The following CLYBL variants were observed in gnomAD, a reference collection of about 807,000 sequenced individuals.
CLYBL encodes citramalyl-CoA lyase, mitochondrial.
A neutral mutation model predicts 38.9 loss-of-function variants in CLYBL; 31 were observed. The observed-to-expected ratio is 0.80, with a 90% CI of 0.60 to 1.08. CLYBL has a LOEUF of 1.08. CLYBL is among the 50% of genes least tolerant of loss of function. The probability of loss-of-function intolerance (pLI) is 0.00; values close to 1 mark genes in which losing one functional copy is unlikely to be tolerated. For missense variants in CLYBL, 434 were observed against 411.6 expected (o/e 1.05, Z -0.47); for synonymous variants, 171 against 158.6 (o/e 1.08, Z -0.59).
At chr13:99,633,976 T>C (rs1255155763) in intron 1 of CLYBL, among the ~76,000 whole-genome samples, 1 of 152,074 alleles carries the variant, frequency 6.6e-6, no homozygotes, top group Non-Finnish European at 1.5e-5. Context: ...TTTGAGGGGA[T>C]AATGACCAGA....
chr13:99,615,416 T>C (rs945486981), intron 1 of CLYBL, among the ~76,000 whole-genome samples: 9 of 152,142 alleles, frequency 5.9e-5, no homozygotes, highest in Non-Finnish European at 1.3e-4. Context: ...TATTAGTACG[T>C]TTAATTAAAT....
chr13:99,772,645 C>T (rs1369316189), intron 1 of CLYBL, among the ~76,000 whole-genome samples, 179 bp from the exon 2 acceptor site: 3 of 151,588 alleles, frequency 2.0e-5, no homozygotes. Flanking sequence ...TGCAGTGAGC[C>T]GAGATCACAC....
intron 1 of CLYBL, among the ~76,000 whole-genome samples, chr13:99,616,379 A>T (rs1455016627): frequency 6.6e-6 from 1 of 152,080 alleles, no homozygotes; most frequent in Non-Finnish European, 1.5e-5. Flanking sequence ...GATGATGTTC[A>T]CTGTTGTTCC....
At chr13:99,785,191 CTTTTTTTTTTT>C (rs58550861) in intron 2 of CLYBL, among the ~76,000 whole-genome samples, 17 of 34,208 alleles carry the variant, frequency 5.0e-4, no homozygotes, top group South Asian at 1.6e-3. Context: ...CCCCGCCTGG[CTTTTTTTTTTT>C]TTTTTTTTTT....
intron 1 of CLYBL, among the ~76,000 whole-genome samples, chr13:99,721,948 G>A (rs935402136): frequency 3.3e-5 from 5 of 152,184 alleles, no homozygotes; most frequent in African/African-American, 1.2e-4. Flanking sequence ...CCAAGGCTCA[G>A]TTATTTTAGG....
chr13:99,756,571 G>A (rs1363208783), intron 1 of CLYBL, among the ~76,000 whole-genome samples: 1 of 152,156 alleles, frequency 6.6e-6, no homozygotes, highest in Non-Finnish European at 1.5e-5. Flanking sequence ...ACACAAATTT[G>A]TAAACTTTCT....
At chr13:99,834,620 T>C (rs539494985) in intron 2 of CLYBL, among the ~76,000 whole-genome samples, 3 of 152,240 alleles carry the variant, frequency 2.0e-5, no homozygotes, top group Admixed American at 6.5e-5. Flanking sequence ...TCCTTTTTCC[T>C]TCCTCGAGGG....
At chr13:99,693,954 G>C (rs2047943647) in intron 1 of CLYBL, among the ~76,000 whole-genome samples, 1 of 152,168 alleles carries the variant, frequency 6.6e-6, no homozygotes, top group African/African-American at 2.4e-5. Flanking sequence ...ACTGAGGAGG[G>C]GAGGGACAGA....
chr13:99,648,825 T>G (rs1385310657), intron 1 of CLYBL, among the ~76,000 whole-genome samples: 1 of 152,212 alleles, frequency 6.6e-6, no homozygotes, highest in African/African-American at 2.4e-5. Context: ...ATCATTTTTT[T>G]CTAGCTCAGT....
At chr13:99,621,542 A>G (rs1189395322) in intron 1 of CLYBL, among the ~76,000 whole-genome samples, 3 of 151,922 alleles carry the variant, frequency 2.0e-5, no homozygotes, top group Non-Finnish European at 2.9e-5. Context: ...CCCACACCCC[A>G]TCTGTTGCCA....
chr13:99,668,128 G>A (rs12866699), intron 1 of CLYBL, among the ~76,000 whole-genome samples: 45,621 of 151,902 alleles, frequency 0.3, 8,053 homozygotes, highest in Middle Eastern at 0.43. Flanking sequence ...ACAACAAATA[G>A]CCATACATGG....
chr13:99,833,096 C>T (rs1298178584), intron 2 of CLYBL, among the ~76,000 whole-genome samples: 3 of 123,226 alleles, frequency 2.4e-5, no homozygotes, highest in African/African-American at 9.7e-5. Flanking sequence ...GGCTGGAGTA[C>T]AATGGCACGA....
intron 2 of CLYBL, among the ~76,000 whole-genome samples, chr13:99,777,034 C>T (rs1045398539): frequency 4.6e-5 from 7 of 151,932 alleles, no homozygotes; most frequent in South Asian, 2.1e-4. Flanking sequence ...TGTGTACCAC[C>T]GTGGCTGGCT....
At chr13:99,771,224 T>G (rs2049388461) in intron 1 of CLYBL, among the ~76,000 whole-genome samples, 1 of 152,080 alleles carries the variant, frequency 6.6e-6, no homozygotes, top group South Asian at 2.1e-4. Context: ...TGAGTTTTTT[T>G]CCTGATAGAG....
At chr13:99,799,971 G>A (rs1467669443) in intron 2 of CLYBL, among the ~76,000 whole-genome samples, 1 of 152,178 alleles carries the variant, frequency 6.6e-6, no homozygotes, top group Admixed American at 6.5e-5. Flanking sequence ...TCCACAGAGC[G>A]CTGGAAATGC....
chr13:99,726,143 G>T (rs1417673043), intron 1 of CLYBL: 1 of 152,138 alleles, frequency 6.6e-6, no homozygotes, highest in African/African-American at 2.4e-5. Flanking sequence ...CCAATCATAA[G>T]AATTTTCTTA....
At chr13:99,660,238 T>C (rs1280918697) in intron 1 of CLYBL, among the ~76,000 whole-genome samples, 1 of 152,174 alleles carries the variant, frequency 6.6e-6, no homozygotes, top group Non-Finnish European at 1.5e-5. Context: ...ATCTAAAACA[T>C]GAAAGATTGC....
chr13:99,905,591 G>A (rs1446174669), intron 9 of CLYBL, among the ~76,000 whole-genome samples: 1 of 151,724 alleles, frequency 6.6e-6, no homozygotes, highest in Non-Finnish European at 1.5e-5. Context: ...AAGCAAACTT[G>A]CAAGTCAGCC....
chr13:99,775,567 G>C (rs146154132), intron 2 of CLYBL, among the ~76,000 whole-genome samples: 3,169 of 151,946 alleles, frequency 0.021, 61 homozygotes, highest in South Asian at 0.049. Flanking sequence ...GGGGTGCAGT[G>C]GTGTCATCAT....
Sources: gnomAD v4.1 joint callset for allele counts (sites outside exome capture counted in the v4.1 genomes callset) on GRCh38, gnomAD v4.1.1 for gene constraint, MANE v1.5 for transcripts, NCBI Gene and HGNC (gene_info 2026-07-23, HGNC 2026-07-21) for gene names.